The following CER1 variants were observed in gnomAD, a reference collection of about 807,000 sequenced individuals.
The protein encoded by CER1 is cerberus 1, DAN family BMP antagonist.
In CER1, 10 loss-of-function variants were observed where a neutral mutation model predicts 11.8. The ratio of observed to expected loss-of-function variants is 0.85; its 90% CI spans 0.52 to 1.44. CER1 has a LOEUF of 1.44. Among genes scored for constraint, CER1 ranks in the 40% most tolerant of loss-of-function variants. The pLI is 0.00. For synonymous variants in CER1, 141 were observed against 122.3 expected (o/e 1.15, Z -1.01); for missense variants, 431 against 327.0 (o/e 1.32, Z -2.45).
chr9:14,722,098 T>C, intron 1 of CER1, 68 bp downstream of exon 1: 1 of 1,521,794 alleles, frequency 6.6e-7, no homozygotes, highest in Non-Finnish European at 8.9e-7. Context: ...TTTCCCCTAC[T>C]CTCCATCCAT....
Position 14,722,231 on chromosome 9 carries a change from C to T in CER1, c.442G>A (p.Val148Ile). The change falls in exon 1 of 2, where the codon GTC (valine) becomes ATC (isoleucine). Residue 148 changes from valine to isoleucine, a missense_variant. By Grantham distance (29) the Val-to-Ile change is conservative (BLOSUM62 3). Coordinates refer to ENST00000380911, the MANE Select transcript of CER1 (RefSeq NM_005454.3). ...MFRKTPASQG[V>I]ILPIKSHEVH... ...TCATGGCTTTTGATGGGCAAGATGA[C>T]CCCCTGAGAAGCCGGAGTTTTTCTG... 1 of 1,614,200 alleles carries T rather than the reference C, an allele frequency of 6.2e-7. No homozygotes were observed. The highest frequency in any genetic ancestry group is 8.5e-7 in the Non-Finnish European group (1 of 1,180,036).
chr9:14,722,441 T>C lies in CER1; in HGVS notation c.232A>G (p.Lys78Glu). 1.2e-6 allele frequency: 2 copies of C among 1,614,180 alleles called. No homozygotes were observed. Among genetic ancestry groups the C allele is most frequent in the Non-Finnish European group, 1.7e-6 (2 of 1,180,026 alleles). The change falls in exon 1 of 2, where the codon AAG becomes GAG. Residue 78 changes from lysine (K) to glutamate (E), a missense_variant. Transcript: ENST00000380911. ...PAGEGQRQRE[K>E]MLSRFGRFWK... The stretch of plus-strand genomic sequence containing the variant: ...AACCTGCCAAATCTGGACAGCATCT[T>C]CTCTCTCTGCCTCTGGCCTTCCCCT...
chr9:14,720,476 A>T, intron 1 of CER1, 90 bp from the exon 2 acceptor site: 1 of 1,300,090 alleles, frequency 7.7e-7, no homozygotes, highest in Non-Finnish European at 1.0e-6. Context: ...ATCTGAGGAT[A>T]ATTTAAAAAT....
At position 14,719,944 on chromosome 9, in the gene CER1, A is replaced by G. The variant is rs1300788408; in HGVS notation, c.*146T>C. On this transcript the variant is annotated 3_prime_UTR_variant, in exon 2 of 2. Transcript: ENST00000380911. Reference sequence around the variant, plus strand: ...GTGTACCAATAACTAGACTAATATCATTTCCTCTATCGTTCTAATTTAAAA... The same window carrying G: ...GTGTACCAATAACTAGACTAATATCGTTTCCTCTATCGTTCTAATTTAAAA... 1 of 701,880 alleles carries G rather than the reference A, an allele frequency of 1.4e-6. No individual in the cohort carries two copies. Among genetic ancestry groups the G allele is most frequent in the South Asian group, 1.9e-5 (1 of 54,006 alleles). 43.5% of individuals were successfully genotyped at this position (701,880 alleles called of 1,614,324 possible).
Position 14,720,193 on chromosome 9 carries a change from A to G in CER1, c.701T>C (p.Met234Thr). Reference protein sequence around the residue: ...TELSSVIKVVMLVEECQCKVK... With the variant: ...TELSSVIKVVTLVEECQCKVK... Reference sequence around the variant, plus strand: ...CTTGCACTGGCACTCCTCCACCAGCATCACCACCTTGATCACGGAGGAAAG... The same window carrying G: ...CTTGCACTGGCACTCCTCCACCAGCGTCACCACCTTGATCACGGAGGAAAG... The change falls in exon 2 of 2, where the codon ATG becomes ACG. Residue 234 changes from methionine (M) to threonine (T), a missense_variant. Coordinates refer to ENST00000380911, the MANE Select transcript of CER1 (RefSeq NM_005454.3). 3 of 1,614,172 alleles carry G rather than the reference A, an allele frequency of 1.9e-6. No homozygotes were observed. Among genetic ancestry groups the G allele is most frequent in the Non-Finnish European group, 2.5e-6 (3 of 1,180,036 alleles).
At chr9:14,717,575 G>A (rs533559496), downstream of CER1, among the ~76,000 whole-genome samples, 2 of 152,112 alleles carry the variant, frequency 1.3e-5, no homozygotes, top group Admixed American at 6.6e-5. Flanking sequence ...AGGAAAATGA[G>A]ACCAGGATTT....
chr9:14,719,561 G>GCCTTCCTTCCTTCCTT (rs1229695964), downstream of CER1, among the ~76,000 whole-genome samples: 36 of 62,538 alleles, frequency 5.8e-4, no homozygotes, highest in Non-Finnish European at 8.9e-4. Context: ...CTGCCTGCCT[G>GCCTTCCTTCCTTCCTT]CCTTCCTTCC....
rs142384565 is a variant in CER1 at position 14,720,114 on chromosome 9, G to A, written c.780C>T (p.Ser260=). 6.8e-6 allele frequency: 11 copies of A among 1,613,800 alleles called. 1 individual carries two copies. The South Asian group carries it at 1.1e-4, about 16-fold the overall frequency. The change falls in exon 2 of 2, where the codon TCC becomes TCT. Residue 260 remains serine, a synonymous_variant. Coordinates refer to ENST00000380911, the MANE Select transcript of CER1 (RefSeq NM_005454.3). The part of the protein sequence containing the change: ...GHILHAGSQD[S]FIPGVSA ...TTCAAGCTGAAACTCCTGGGATAAA[G>A]GAATCCTGGGAGCCAGCATGTAGGA... is the stretch of plus-strand genomic sequence containing the variant.
At position 14,720,108 on chromosome 9, in the gene CER1, G is replaced by A. The variant is rs368200307; in HGVS notation, c.786C>T (p.Ile262=). The A allele has an allele frequency of 2.5e-6, 4 of 1,613,562 alleles. No individual in the cohort carries two copies. The African/African-American group carries it at 5.3e-5, about 22-fold the overall frequency. The change falls in exon 2 of 2, where the codon ATC becomes ATT. Residue 262 remains isoleucine (I), a synonymous_variant. Transcript: ENST00000380911. ...ILHAGSQDSF[I]PGVSA ...TAGCTCTTCAAGCTGAAACTCCTGG[G>A]ATAAAGGAATCCTGGGAGCCAGCAT...
At position 14,720,030 on chromosome 9, in the gene CER1, A is replaced by G; in HGVS notation, c.*60T>C. The stretch of plus-strand genomic sequence containing the variant: ...GTACCCACTTAACATTTTCAGACTG[A>G]ATAATCAGCATCTTTGCTGTTGTGG... On this transcript the variant is annotated 3_prime_UTR_variant, in exon 2 of 2. Coordinates refer to ENST00000380911, the MANE Select transcript of CER1 (RefSeq NM_005454.3). 2.0e-6 allele frequency: 3 copies of G among 1,522,414 alleles called. No homozygotes were observed. The allele number at this position is 1,522,414 out of a possible 1,614,324, so 94.3% of individuals were successfully genotyped here.
At chr9:14,719,243 A>G (rs1416422552), downstream of CER1, among the ~76,000 whole-genome samples, 2 of 152,126 alleles carry the variant, frequency 1.3e-5, no homozygotes, top group Non-Finnish European at 1.5e-5. Context: ...TCCTCATAAT[A>G]TAGGTACTTG....
chr9:14,720,426 A>G (rs1486669802), intron 1 of CER1, 40 bp from the exon 2 acceptor site: 3 of 1,560,814 alleles, frequency 1.9e-6, no homozygotes, highest in South Asian at 1.2e-5. Flanking sequence ...ATTTTGAATT[A>G]TTTCTTTAAC....
At chr9:14,720,473 G>T in intron 1 of CER1, 87 bp from the exon 2 acceptor site, 1 of 1,320,878 alleles carries the variant, frequency 7.6e-7, no homozygotes. Context: ...TAAATCTGAG[G>T]ATAATTTAAA....
At chr9:14,721,459 T>C (rs1336846308) in intron 1 of CER1, among the ~76,000 whole-genome samples, 2 of 152,180 alleles carry the variant, frequency 1.3e-5, no homozygotes, top group Non-Finnish European at 2.9e-5. Context: ...GGGGAGGAGA[T>C]ATGATCTCAC....
Position 14,720,208 on chromosome 9 carries a change from A to G in CER1, c.686T>C (p.Val229Ala), listed in dbSNP as rs758866011. ...LPLNCTELSSVIKVVMLVEEC... is the reference protein window; with the variant it reads ...LPLNCTELSSAIKVVMLVEEC... ...CTCCACCAGCATCACCACCTTGATC[A>G]CGGAGGAAAGTTCAGTGCAGTTCAG... is the stretch of plus-strand genomic sequence containing the variant. The change falls in exon 2 of 2, where the codon GTG becomes GCG. Residue 229 changes from valine (V) to alanine (A), a missense_variant. Coordinates refer to ENST00000380911, the MANE Select transcript of CER1 (RefSeq NM_005454.3). The G allele has an allele frequency of 1.2e-6, 2 of 1,614,144 alleles. No homozygotes were observed. Among genetic ancestry groups the G allele is most frequent in the Non-Finnish European group, 1.7e-6 (2 of 1,180,042 alleles).
chr9:14,720,375 G>T lies in CER1; in HGVS notation c.519C>A (p.His173Gln). The change falls in exon 2 of 2, where the codon CAC becomes CAA. Residue 173 changes from histidine (H) to glutamine (Q), a missense_variant. His to Gln is a conservative substitution (Grantham distance 24). Coordinates refer to ENST00000380911, the MANE Select transcript of CER1 (RefSeq NM_005454.3). ...GAACAACTACTTTTTCACAGCCTTCGTGGGTTATAGTCTAAAAAGCAAACA... is the reference window on the plus strand; with the variant it reads ...GAACAACTACTTTTTCACAGCCTTCTTGGGTTATAGTCTAAAAAGCAAACA... Reference protein sequence around the residue: ...RTVPFSQTITHEGCEKVVVQN... With the variant: ...RTVPFSQTITQEGCEKVVVQN... 1 of 1,610,604 alleles carries T rather than the reference G, an allele frequency of 6.2e-7. No individual in the cohort carries two copies. Among genetic ancestry groups the T allele is most frequent in the Non-Finnish European group, 8.5e-7 (1 of 1,177,776 alleles).
rs764877021 is a variant in CER1, at chr9:14,720,422, A to C, written c.508-36T>G. 1.7e-5 allele frequency: 27 copies of C among 1,571,012 alleles called. 1 individual carries two copies. The South Asian group carries it at 2.9e-4, about 17-fold the overall frequency. On this transcript the variant is annotated intron_variant, in intron 1 of 1. Transcript: ENST00000380911. ...AACACATTTCCATTACGTTATTTTG[A>C]ATTATTTCTTTAACACACATAATGC...
intron 1 of CER1, among the ~76,000 whole-genome samples, chr9:14,720,854 G>A (rs766543415): frequency 1.3e-5 from 2 of 152,128 alleles, no homozygotes; most frequent in African/African-American, 4.8e-5. Flanking sequence ...TGCAAGACCT[G>A]TAGTACATTC....
rs774485374 is a variant in CER1, at chr9:14,722,680, G to A, written c.-8C>T. ...AAATAAGAGGAGATGCATGCTGTCA[G>A]GGGCCCAAGCTTCTTTTGTAAATGA... On this transcript the variant is annotated 5_prime_UTR_variant, in exon 1 of 2. Coordinates refer to ENST00000380911, the MANE Select transcript of CER1 (RefSeq NM_005454.3). The A allele has an allele frequency of 4.4e-6, 7 of 1,589,172 alleles. No homozygotes were observed. The South Asian group carries it at 4.5e-5, about 10-fold the overall frequency.
Sources: gnomAD v4.1 joint callset for allele counts (sites outside exome capture counted in the v4.1 genomes callset) on GRCh38, gnomAD v4.1.1 for gene constraint, MANE v1.5 for transcripts, NCBI Gene and HGNC (gene_info 2026-07-23, HGNC 2026-07-21) for gene names.